The following LARS1 variants were observed in gnomAD, a reference collection of about 807,000 sequenced individuals.
LARS1 encodes the protein leucyl-tRNA synthetase 1.
Under a neutral mutation model 162.8 loss-of-function variants are expected in LARS1, and 100 were observed. The observed-to-expected ratio is 0.61, with a 90% confidence interval of 0.52 to 0.73. The LOEUF is 0.73. LARS1 is among the 30% of genes least tolerant of loss of function. The pLI is 0.00. For synonymous variants in LARS1, 457 were observed against 462.8 expected (o/e 0.99, Z 0.16); for missense variants, 1,258 against 1,408.9 (o/e 0.89, Z 1.71).
intron 21 of LARS1, 133 bp from the exon 22 acceptor site, chr5:146,135,797 T>G: frequency 8.4e-6 from 5 of 596,182 alleles, no homozygotes; most frequent in South Asian, 2.3e-5. Flanking sequence ...AAGGAAAAGA[T>G]ATTACACTAA....
intron 2 of LARS1, among the ~76,000 whole-genome samples, chr5:146,173,600 C>T (rs1754374407): frequency 6.7e-6 from 1 of 150,146 alleles, no homozygotes; most frequent in African/African-American, 2.5e-5. Context: ...AATATAAGAA[C>T]CACCATGAGC....
At chr5:146,135,724 C>G (rs1349294013) in intron 21 of LARS1, 60 bp from the exon 22 acceptor site, 19 of 1,231,168 alleles carry the variant, frequency 1.5e-5, no homozygotes, top group East Asian at 2.7e-5. Flanking sequence ...ACCAAATGAG[C>G]CAAATAAAAT....
chr5:146,148,736 G>GA (rs34127596), intron 15 of LARS1, among the ~76,000 whole-genome samples: 36,057 of 148,070 alleles, frequency 0.24, 5,404 homozygotes, highest in Admixed American at 0.36. Flanking sequence ...ACCTAACCCT[G>GA]AAAAAAAAAA....
At chr5:146,129,222 G>T in intron 25 of LARS1, 104 bp from the exon 26 acceptor site, 1 of 1,016,124 alleles carries the variant, frequency 9.8e-7, no homozygotes, top group Non-Finnish European at 1.4e-6. Context: ...ATCTGTAATT[G>T]TGTGCTCAGA....
rs1167823475 is a variant in LARS1, at chr5:146,143,669, A to T, written c.1739-119T>A. The stretch of plus-strand genomic sequence containing the variant: ...TACTTATTTAGGAAGCTCTTAAATT[A>T]TTCTTGAATAATTAATAAAAATAAA... On this transcript the variant is annotated intron_variant, in intron 18 of 31. Coordinates refer to ENST00000394434, the MANE Select transcript of LARS1 (RefSeq NM_020117.11). 15 of 883,902 alleles carry T rather than the reference A, an allele frequency of 1.7e-5. No homozygotes were observed. In the East Asian group the frequency reaches 3.9e-4, roughly 23 times the overall value. The allele number at this position is 883,902 out of a possible 1,614,324, so 54.8% of individuals were successfully genotyped here. A position where few individuals can be genotyped will look rare whatever the true frequency, so the allele number is the denominator to read the frequency against.
chr5:146,140,004 A>G (rs1455866116), intron 21 of LARS1, among the ~76,000 whole-genome samples, 200 bp downstream of exon 21: 1 of 151,974 alleles, frequency 6.6e-6, no homozygotes, highest in Non-Finnish European at 1.5e-5. Context: ...ATGGGGTCTC[A>G]CTATATCGTC....
chr5:146,143,012 A>G lies in LARS1; in HGVS notation c.1950T>C (p.Ile650=). The G allele has an allele frequency of 1.2e-6, 2 of 1,614,042 alleles. No homozygotes were observed. Among genetic ancestry groups the G allele is most frequent in the Non-Finnish European group, 8.5e-7 (1 of 1,179,938 alleles). Residue 650 remains isoleucine, a synonymous_variant, in exon 20 of 32, where the codon ATT becomes ATC. Transcript: ENST00000394434. ...FKEAPFPKTQ[I]AKEKLDQLKQ... ...TTAACTGATCTAATTTTTCCTTTGC[A>G]ATCTGAGTCTTAGGAAATGGAGCCT...
In LARS1 at chr5:146,114,320, A is replaced by G; in HGVS notation, c.3326-9T>C. The G allele has an allele frequency of 6.2e-7, 1 of 1,609,310 alleles. No homozygotes were observed. Among genetic ancestry groups the G allele is most frequent in the East Asian group, 2.2e-5 (1 of 44,852 alleles). On this transcript the variant is annotated splice_polypyrimidine_tract_variant and intron_variant, in intron 31 of 31. Coordinates refer to ENST00000394434, the MANE Select transcript of LARS1 (RefSeq NM_020117.11). ...TTTCACTTTGGAAAGGTCTACAACA[A>G]AATAAATTATCAATATAAGCATTTA...
chr5:146,118,940 T>C (rs566533669), intron 31 of LARS1, among the ~76,000 whole-genome samples: 2 of 152,336 alleles, frequency 1.3e-5, no homozygotes, highest in South Asian at 4.1e-4. Context: ...ATACTGTTGC[T>C]GCTGATGCTC....
At chr5:146,124,166 C>A in intron 28 of LARS1, 80 bp from the exon 29 acceptor site, 1 of 837,564 alleles carries the variant, frequency 1.2e-6, no homozygotes. Flanking sequence ...AGTAATCATT[C>A]TTCTCTCAAC....
intron 1 of LARS1, among the ~76,000 whole-genome samples, chr5:146,179,327 A>C (rs1011975777): frequency 5.3e-5 from 8 of 151,822 alleles, no homozygotes; most frequent in Non-Finnish European, 1.2e-4. Flanking sequence ...ATACCTGGCT[A>C]ATTTTTGTAT....
chr5:146,160,478 C>A lies in LARS1; in HGVS notation c.603G>T (p.Trp201Cys). The A allele has an allele frequency of 6.5e-7, 1 of 1,528,608 alleles. No individual in the cohort carries two copies. The highest frequency in any genetic ancestry group is 8.8e-7 in the Non-Finnish European group (1 of 1,140,856). The allele number at this position is 1,528,608 out of a possible 1,614,324, so 94.7% of individuals were successfully genotyped here. A position where few individuals can be genotyped will look rare whatever the true frequency, so the allele number is the denominator to read the frequency against. ...DLKRMGLKVD[W>C]RRSFITTDVN... ...CATCAGTGGTGATGAAGGAACGACG[C>A]CAGTCTACCTATAAAAGGAAAATTT... The change falls in exon 7 of 32, where the codon TGG becomes TGT. Residue 201 changes from tryptophan (W) to cysteine (C), a missense_variant. Coordinates refer to ENST00000394434, the MANE Select transcript of LARS1 (RefSeq NM_020117.11).
In LARS1 at chr5:146,142,949, G is replaced by A. The variant is rs772820398; in HGVS notation, c.2013C>T (p.Arg671=). Residue 671 remains arginine, a synonymous_variant, in exon 20 of 32, where the codon CGC becomes CGT. Transcript: ENST00000394434. Reference sequence around the variant, plus strand: ...TTGGAACAAGATCCTTGCCAGAGACGCGAAGATCAACAGGATACCAGAATT... The same window carrying A: ...TTGGAACAAGATCCTTGCCAGAGACACGAAGATCAACAGGATACCAGAATT... ...EFEFWYPVDL[R]VSGKDLVPNH... is the part of the protein sequence containing the mutation. The A allele has an allele frequency of 4.5e-5, 72 of 1,613,892 alleles. No homozygotes were observed. Among genetic ancestry groups the A allele is most frequent in the Middle Eastern group, 3.3e-4 (2 of 6,082 alleles).
chr5:146,142,405 A>G (rs1366833245), intron 20 of LARS1, among the ~76,000 whole-genome samples: 1 of 152,208 alleles, frequency 6.6e-6, no homozygotes, highest in Non-Finnish European at 1.5e-5. Flanking sequence ...ATTTGAACAG[A>G]CTGAGAGGTT....
At chr5:146,178,896 A>C (rs1754710968) in intron 1 of LARS1, among the ~76,000 whole-genome samples, 1 of 152,046 alleles carries the variant, frequency 6.6e-6, no homozygotes, top group Non-Finnish European at 1.5e-5. Context: ...GGAGTTTGAG[A>C]CCAGCCTAGG....
At chr5:146,139,852 G>C (rs895483583) in intron 21 of LARS1, 5 of 147,420 alleles carry the variant, frequency 3.4e-5, no homozygotes, top group African/African-American at 1.7e-4. Context: ...TCCAGTGTGG[G>C]AGACAGCGAG....
chr5:146,135,801 A>AT (rs1261397509), intron 21 of LARS1, 137 bp from the exon 22 acceptor site: 1 of 596,968 alleles, frequency 1.7e-6, no homozygotes, highest in Non-Finnish European at 2.8e-6. Context: ...AAAAGATATT[A>AT]CACTAATTTT....
At chr5:146,167,406 AT>A (rs756992676) in intron 5 of LARS1, among the ~76,000 whole-genome samples, 324 of 144,946 alleles carry the variant, frequency 2.2e-3, no homozygotes, top group African/African-American at 2.3e-3. Flanking sequence ...CAGAAAGATA[AT>A]TTTTTTTTTT....
chr5:146,149,508 TATG>T (rs371251545), intron 15 of LARS1, 111 bp downstream of exon 15: 207 of 760,616 alleles, frequency 2.7e-4, no homozygotes, highest in Non-Finnish European at 4.3e-4. Flanking sequence ...CGCAAAACTG[TATG>T]ATATTTTTAT....
Sources: allele counts gnomAD v4.1 joint callset (sites outside exome capture counted in the v4.1 genomes callset), GRCh38; gene constraint gnomAD v4.1.1; transcripts MANE v1.5; gene names NCBI Gene and HGNC (gene_info 2026-07-23, HGNC 2026-07-21).